Variants in SOX6 observed in about 807,000 individuals in gnomAD.
SOX6 encodes SRY-box transcription factor 6.
A neutral mutation model predicts 97.8 loss-of-function variants in SOX6; 11 were observed. That is an observed-to-expected ratio of 0.11 (90% CI 0.07 to 0.19). The LOEUF (loss-of-function observed/expected upper bound fraction) is 0.19, where lower values mean the gene tolerates loss of function less well. Ranked by LOEUF, SOX6 falls within the 10% of genes least tolerant of loss-of-function variation. The pLI, the probability that SOX6 is intolerant of heterozygous loss-of-function variation, is 1.00. For synonymous variants in SOX6, 360 were observed against 371.4 expected (o/e 0.97, Z 0.35); for missense variants, 810 against 1,039.5 (o/e 0.78, Z 3.04).
At chr11:16,168,718 A>T (rs758292783) in intron 6 of SOX6, among the ~76,000 whole-genome samples, 10 of 152,142 alleles carry the variant, frequency 6.6e-5, no homozygotes, top group Non-Finnish European at 1.5e-4. Context: ...TTAGGTCATC[A>T]TGGCTGTACA....
At chr11:16,268,375 T>C (rs942708946) in intron 3 of SOX6, among the ~76,000 whole-genome samples, 2 of 151,224 alleles carry the variant, frequency 1.3e-5, no homozygotes, top group Admixed American at 1.3e-4. Context: ...GCAAAACTCA[T>C]ATATACCTTG....
chr11:16,607,778 T>G lies in SOX6; in HGVS notation n.609+4303A>C, dbSNP rs1249243757. On this transcript the variant is annotated intron_variant and non_coding_transcript_variant, in intron 4 of 5. Coordinates refer to the SOX6 transcript ENST00000524520. The surrounding 1 kb of genome is among the most constrained non-coding windows in gnomAD (Gnocchi z 6.5). The stretch of plus-strand genomic sequence containing the variant: ...AGAAAGTGAGTGGCCAGGGCATTGA[T>G]CTGAGCGAGGGAGAGGAGGCTGGGC... 1 of 152,416 alleles carries G rather than the reference T, an allele frequency of 6.6e-6. No individual in the cohort carries two copies. Among genetic ancestry groups the G allele is most frequent in the Non-Finnish European group, 1.5e-5 (1 of 68,284 alleles). The allele number at this position is 152,416 out of a possible 1,614,324, so 9.4% of individuals were successfully genotyped here.
chr11:16,481,456 G>A (rs1020889516), intron 4 of SOX6, among the ~76,000 whole-genome samples: 6 of 152,138 alleles, frequency 3.9e-5, no homozygotes, highest in Non-Finnish European at 8.8e-5. Context: ...CCACTCTGCT[G>A]TTCTGGAAGA....
chr11:16,496,119 A>C (rs976386545), intron 4 of SOX6, among the ~76,000 whole-genome samples: 1 of 152,250 alleles, frequency 6.6e-6, no homozygotes, highest in Non-Finnish European at 1.5e-5. Context: ...GAAAATTAGA[A>C]GTAATTATTA....
At chr11:16,619,511 A>G (rs1848514310) in intron 3 of SOX6, among the ~76,000 whole-genome samples, 2 of 152,034 alleles carry the variant, frequency 1.3e-5, no homozygotes, top group African/African-American at 2.4e-5. Context: ...ATTTTTATTC[A>G]GCAGGGAATA....
At chr11:16,360,038 A>T (rs1857169506), upstream of SOX6, among the ~76,000 whole-genome samples, 1 of 152,218 alleles carries the variant, frequency 6.6e-6, no homozygotes, top group South Asian at 2.1e-4. Context: ...TAACTTTTAC[A>T]CTATACTTCT....
rs185094995 is a variant in SOX6 at position 16,594,204 on chromosome 11, T to C, written n.609+17877A>G. Among the ~76,000 whole-genome samples, 17 of 152,218 alleles carry C rather than the reference T, an allele frequency of 1.1e-4. No homozygotes were observed. The East Asian group carries it at 1.5e-3, about 14-fold the overall frequency. ...CTACCCAACACAGGTTGTATATATA[T>C]GAATATATATACCTCAGAGAAAATA... is the stretch of plus-strand genomic sequence containing the variant. On this transcript the variant is annotated intron_variant and non_coding_transcript_variant, in intron 4 of 5. Transcript: ENST00000524520.
intron 1 of SOX6, among the ~76,000 whole-genome samples, chr11:16,406,936 T>C (rs570612620): frequency 6.6e-6 from 1 of 152,240 alleles, no homozygotes; most frequent in South Asian, 2.1e-4. Context: ...CCATCACACC[T>C]TATCTCCATT....
chr11:16,645,218 A>C (rs1348572301), intron 3 of SOX6, among the ~76,000 whole-genome samples: 2 of 152,168 alleles, frequency 1.3e-5, no homozygotes, highest in Non-Finnish European at 2.9e-5. Flanking sequence ...ATAACAACCA[A>C]TTCAAGCTGG....
chr11:16,724,573 A>T (rs1255486576), intron 2 of SOX6, among the ~76,000 whole-genome samples: 5 of 152,342 alleles, frequency 3.3e-5, no homozygotes, highest in Non-Finnish European at 2.9e-5. Context: ...TTTGGAACTC[A>T]TCAGAGACCT....
chr11:16,028,221 C>T (rs1381467368), intron 12 of SOX6, among the ~76,000 whole-genome samples: 1 of 151,906 alleles, frequency 6.6e-6, no homozygotes, highest in East Asian at 1.9e-4. Context: ...AGTTTATTTC[C>T]TACATCTGAC....
chr11:16,519,845 C>T (rs1211934713), intron 4 of SOX6, among the ~76,000 whole-genome samples: 1 of 152,176 alleles, frequency 6.6e-6, no homozygotes, highest in East Asian at 1.9e-4. Context: ...CTTTTATCCA[C>T]GTCCTCACCA....
intron 2 of SOX6, among the ~76,000 whole-genome samples, chr11:16,321,021 G>A (rs1173754297): frequency 6.6e-6 from 1 of 152,088 alleles, no homozygotes; most frequent in Non-Finnish European, 1.5e-5. Flanking sequence ...GTGAAGTGAT[G>A]CAGAGGAACC....
At chr11:16,638,043 C>T (rs1351810134) in intron 3 of SOX6, among the ~76,000 whole-genome samples, 1 of 147,166 alleles carries the variant, frequency 6.8e-6, no homozygotes, top group Admixed American at 6.8e-5. Flanking sequence ...GGTATATCTC[C>T]TAATGCTATC....
rs578164013 is a variant in SOX6, at chr11:16,563,769, C to T, written n.609+48312G>A. Reference sequence around the variant, plus strand: ...ACATAAACCTACAGTTGAGCAAATCCCAAGCAGGATAAATTCAAAGAAATT... The same window carrying T: ...ACATAAACCTACAGTTGAGCAAATCTCAAGCAGGATAAATTCAAAGAAATT... On this transcript the variant is annotated intron_variant and non_coding_transcript_variant, in intron 4 of 5. Coordinates refer to the SOX6 transcript ENST00000524520. Among the ~76,000 whole-genome samples the T allele has an allele frequency of 1.1e-3, 174 of 152,070 alleles. 4 individuals carry two copies. In the South Asian group the frequency reaches 0.035, roughly 31 times the overall value.
chr11:16,725,531 GAACCAGTCACAAAAGACCACAT>G (rs1324878295), intron 2 of SOX6, among the ~76,000 whole-genome samples: 2 of 151,964 alleles, frequency 1.3e-5, no homozygotes, highest in African/African-American at 4.8e-5. Flanking sequence ...TAAGTGAAAG[GAACCAGTCACAAAAGACCACAT>G]ATTGTATGAT....
chr11:16,307,884 G>T (rs1384707698), intron 3 of SOX6, among the ~76,000 whole-genome samples: 1 of 152,082 alleles, frequency 6.6e-6, no homozygotes, highest in African/African-American at 2.4e-5. Context: ...AGAGCAATTA[G>T]GGGAATCCAC....
chr11:16,089,774 G>A (rs1176749499), intron 9 of SOX6, among the ~76,000 whole-genome samples: 2 of 152,080 alleles, frequency 1.3e-5, no homozygotes, highest in South Asian at 2.1e-4. Flanking sequence ...CGTAAAAAAT[G>A]TCTTTCTCCT....
At chr11:16,486,643 T>A (rs1350317793) in intron 4 of SOX6, among the ~76,000 whole-genome samples, 1 of 152,026 alleles carries the variant, frequency 6.6e-6, no homozygotes, top group Non-Finnish European at 1.5e-5. Flanking sequence ...GGCGAATCAC[T>A]TGAGGTCAGA....
Sources: gnomAD v4.1 joint callset for allele counts (sites outside exome capture counted in the v4.1 genomes callset) on GRCh38, gnomAD v4.1.1 for gene constraint, Gnocchi (gnomAD v3.1) non-coding constraint, MANE v1.5 for transcripts, NCBI Gene and HGNC (gene_info 2026-07-23, HGNC 2026-07-21) for gene names.